ZNF804A: variants seen among roughly 807,000 people sequenced by gnomAD.
ZNF804A encodes the protein zinc finger protein 804A.
ZNF804A carries 2 observed loss-of-function variants against 16.5 expected under a neutral mutation model. That is an observed-to-expected ratio of 0.12 (90% CI 0.05 to 0.38). The LOEUF (loss-of-function observed/expected upper bound fraction) is 0.38, where lower values mean the gene tolerates loss of function less well. Among genes scored for constraint, ZNF804A ranks in the 10% least tolerant of loss-of-function variants. The pLI is 0.99. For synonymous variants in ZNF804A, 534 were observed against 489.6 expected (o/e 1.09, Z -1.20); for missense variants, 1,473 against 1,390.7 (o/e 1.06, Z -0.94).
chr2:184,620,058 T>C (rs1336292678), intron 1 of ZNF804A, among the ~76,000 whole-genome samples: 1 of 151,748 alleles, frequency 6.6e-6, no homozygotes, highest in Non-Finnish European at 1.5e-5. Context: ...ATATATGATA[T>C]CAGATTATGA....
At chr2:184,864,583 A>G (rs1465767510) in intron 1 of ZNF804A, among the ~76,000 whole-genome samples, 1 of 152,202 alleles carries the variant, frequency 6.6e-6, no homozygotes, top group Non-Finnish European at 1.5e-5. Context: ...ACTATAAACT[A>G]TGCCTCCCAA....
At chr2:184,893,551 A>C (rs1207868575) in intron 2 of ZNF804A, among the ~76,000 whole-genome samples, 1 of 152,152 alleles carries the variant, frequency 6.6e-6, no homozygotes, top group East Asian at 1.9e-4. Flanking sequence ...AAATTAAATT[A>C]GTCTCTCAGG....
chr2:184,605,649 C>T (rs1332574791), intron 1 of ZNF804A, among the ~76,000 whole-genome samples: 1 of 151,782 alleles, frequency 6.6e-6, no homozygotes, highest in Non-Finnish European at 1.5e-5. Flanking sequence ...AATCTAATCT[C>T]CAGAAAATTT....
At chr2:184,768,225 G>A (rs1694159675) in intron 1 of ZNF804A, among the ~76,000 whole-genome samples, 1 of 152,024 alleles carries the variant, frequency 6.6e-6, no homozygotes, top group Non-Finnish European at 1.5e-5. Context: ...AAAGTGTATT[G>A]GGGGATGTGC....
At chr2:184,825,262 A>G (rs933223801) in intron 1 of ZNF804A, among the ~76,000 whole-genome samples, 3 of 152,180 alleles carry the variant, frequency 2.0e-5, no homozygotes, top group Non-Finnish European at 2.9e-5. Context: ...TAATTCAGTC[A>G]TTAAGAAAAG....
At chr2:184,916,826 A>G (rs191873835) in intron 2 of ZNF804A, among the ~76,000 whole-genome samples, 7 of 152,110 alleles carry the variant, frequency 4.6e-5, no homozygotes, top group Non-Finnish European at 5.9e-5. Flanking sequence ...CCAGCCTGGG[A>G]GACAGAGTAA....
chr2:184,612,255 A>G (rs1691249649), intron 1 of ZNF804A, among the ~76,000 whole-genome samples: 1 of 152,196 alleles, frequency 6.6e-6, no homozygotes. Flanking sequence ...AATAGAAAAA[A>G]ATAGTTGAAA....
Position 184,939,184 on chromosome 2 carries a change from C to A in ZNF804A, c.*158C>A. On this transcript the variant is annotated 3_prime_UTR_variant, in exon 4 of 4. Coordinates refer to ENST00000302277, the MANE Select transcript of ZNF804A (RefSeq NM_194250.2). ...ATCATTTACTGTAAGTGCAATGATG[C>A]AAATAAATCCCTAAGTTTCTGATAT... 6.1e-6 allele frequency: 5 copies of A among 826,108 alleles called. No individual in the cohort carries two copies. The highest frequency in any genetic ancestry group is 9.3e-6 in the Non-Finnish European group (5 of 536,806). 51.2% of individuals were successfully genotyped at this position (826,108 alleles called of 1,614,324 possible).
At chr2:184,683,181 C>CT (rs1692570030) in intron 1 of ZNF804A, among the ~76,000 whole-genome samples, 2 of 152,134 alleles carry the variant, frequency 1.3e-5, no homozygotes, top group East Asian at 3.9e-4. Context: ...GTGTTGTGTG[C>CT]TAGGTATGTG....
At chr2:184,887,165 A>C (rs892016545) in intron 2 of ZNF804A, among the ~76,000 whole-genome samples, 2 of 152,226 alleles carry the variant, frequency 1.3e-5, no homozygotes, top group Admixed American at 6.5e-5. Flanking sequence ...TCAAGTTCAA[A>C]GTTCCACAAA....
At chr2:184,779,942 G>T (rs1694348482) in intron 1 of ZNF804A, among the ~76,000 whole-genome samples, 1 of 151,690 alleles carries the variant, frequency 6.6e-6, no homozygotes, top group South Asian at 2.1e-4. Context: ...AAGGGTCTCA[G>T]TTCTGTGAGA....
chr2:184,758,129 G>A (rs1490309217), intron 1 of ZNF804A, among the ~76,000 whole-genome samples: 2 of 151,890 alleles, frequency 1.3e-5, no homozygotes, highest in South Asian at 4.1e-4. Context: ...GGGGAAATTT[G>A]ACATCTCTTT....
At chr2:184,777,932 TTGAC>T (rs1425040373) in intron 1 of ZNF804A, among the ~76,000 whole-genome samples, 3 of 151,810 alleles carry the variant, frequency 2.0e-5, no homozygotes, top group African/African-American at 7.2e-5. Flanking sequence ...CAAAATATAA[TTGAC>T]TGAACAGCAT....
intron 1 of ZNF804A, among the ~76,000 whole-genome samples, chr2:184,686,827 G>T (rs72899981): frequency 0.052 from 7,890 of 152,232 alleles, 260 homozygotes; most frequent in Non-Finnish European, 0.077. Context: ...TTTGTTGGCT[G>T]CTTGTATGTC....
At chr2:184,644,782 AG>A (rs1456584395) in intron 1 of ZNF804A, among the ~76,000 whole-genome samples, 1 of 152,076 alleles carries the variant, frequency 6.6e-6, no homozygotes, top group African/African-American at 2.4e-5. Context: ...TTTCATTTTA[AG>A]AATTATCAAA....
chr2:184,920,454 T>G (rs1685513596), intron 2 of ZNF804A, among the ~76,000 whole-genome samples: 1 of 152,196 alleles, frequency 6.6e-6, no homozygotes, highest in African/African-American at 2.4e-5. Context: ...TAAATGTCTA[T>G]TTTCAAATGT....
At chr2:184,772,265 C>CAAAATAAAAA (rs1694227436) in intron 1 of ZNF804A, among the ~76,000 whole-genome samples, 1 of 132,152 alleles carries the variant, frequency 7.6e-6, no homozygotes. Context: ...TCCCCTTGAC[C>CAAAATAAAAA]AAAAAAAAAA....
intron 1 of ZNF804A, among the ~76,000 whole-genome samples, chr2:184,720,787 C>T (rs1211996310): frequency 6.6e-6 from 1 of 151,994 alleles, no homozygotes; most frequent in Non-Finnish European, 1.5e-5. Context: ...TCAAAAAGAC[C>T]TCAAATAGCC....
chr2:184,925,344 A>C (rs1334230578), intron 2 of ZNF804A, among the ~76,000 whole-genome samples: 1 of 151,956 alleles, frequency 6.6e-6, no homozygotes, highest in Non-Finnish European at 1.5e-5. Flanking sequence ...TCATATAACT[A>C]TAGCTACTCC....
Sources: allele counts gnomAD v4.1 joint callset (sites outside exome capture counted in the v4.1 genomes callset), GRCh38; gene constraint gnomAD v4.1.1; transcripts MANE v1.5; gene names NCBI Gene and HGNC (gene_info 2026-07-23, HGNC 2026-07-21).